Variants in DMGDH observed in about 807,000 individuals in gnomAD.
The protein encoded by DMGDH is dimethylglycine dehydrogenase.
DMGDH carries 76 observed loss-of-function variants against 95.2 expected under a neutral mutation model. The ratio of observed to expected loss-of-function variants is 0.80; its 90% CI spans 0.66 to 0.97. The LOEUF (loss-of-function observed/expected upper bound fraction) is 0.97, where lower values mean the gene tolerates loss of function less well. DMGDH is among the 50% of genes least tolerant of loss of function. The pLI is 0.00. For missense variants in DMGDH, 987 were observed against 1,055.0 expected (o/e 0.94, Z 0.89); for synonymous variants, 345 against 377.6 (o/e 0.91, Z 1.00).
chr5:79,034,267 C>T (rs1165589343), intron 7 of DMGDH, among the ~76,000 whole-genome samples: 1 of 152,104 alleles, frequency 6.6e-6, no homozygotes, highest in Non-Finnish European at 1.5e-5. Context: ...GCAAAGAGGC[C>T]CTCACCTGAG....
chr5:79,042,931 T>C (rs1231958160), intron 6 of DMGDH, among the ~76,000 whole-genome samples: 2 of 152,152 alleles, frequency 1.3e-5, no homozygotes. Flanking sequence ...TCTAAGATGA[T>C]GGATTTTAGA....
chr5:79,021,526 CT>C, intron 14 of DMGDH: 1 of 1,283,028 alleles, frequency 7.8e-7, no homozygotes, highest in South Asian at 1.2e-5. Context: ...CGCCGTCTCC[CT>C]TTGTGATGAA....
intron 15 of DMGDH, among the ~76,000 whole-genome samples, chr5:79,001,903 T>C (rs1007328100): frequency 6.6e-6 from 1 of 152,238 alleles, no homozygotes; most frequent in Admixed American, 6.5e-5. Flanking sequence ...TTCCCTTGCA[T>C]AAATTTTAAA....
chr5:79,048,548 A>G (rs1330291412), intron 5 of DMGDH, among the ~76,000 whole-genome samples: 6 of 152,158 alleles, frequency 3.9e-5, no homozygotes, highest in African/African-American at 7.2e-5. Context: ...TGTGGGAAAC[A>G]TTCCACCAGC....
At chr5:79,002,251 CCTT>C (rs1397774788) in intron 15 of DMGDH, among the ~76,000 whole-genome samples, 1 of 152,112 alleles carries the variant, frequency 6.6e-6, no homozygotes, top group Admixed American at 6.5e-5. Flanking sequence ...TTTTAAAAAA[CCTT>C]CTAAGCTCTC....
intron 7 of DMGDH, among the ~76,000 whole-genome samples, chr5:79,038,188 A>G (rs1453822853): frequency 1.3e-5 from 2 of 152,196 alleles, no homozygotes; most frequent in Non-Finnish European, 2.9e-5. Context: ...AGTAACAGTA[A>G]TTAAGAGAGT....
At chr5:79,023,351 G>C (rs1315205408) in intron 14 of DMGDH, among the ~76,000 whole-genome samples, 1 of 152,142 alleles carries the variant, frequency 6.6e-6, no homozygotes, top group African/African-American at 2.4e-5. Context: ...GCTCTATTAA[G>C]TTGTTTTATT....
chr5:79,040,886 T>A lies in DMGDH; in HGVS notation c.1193+1397A>T, dbSNP rs944274706. 1.8e-4 allele frequency among the ~76,000 whole-genome samples: 27 copies of A among 151,816 alleles called. 1 individual carries two copies. The highest frequency in any genetic ancestry group is 6.3e-4 in the African/African-American group (26 of 41,532). On this transcript the variant is annotated intron_variant, in intron 7 of 15. Transcript: ENST00000255189. ...CTTCCACATGCCTGCATATGGACTC[T>A]ATAGGTGACTATAAAACCCTCAATT...
At position 79,030,840 on chromosome 5, in the gene DMGDH, A is replaced by C. The variant is rs141558713; in HGVS notation, c.1676T>G (p.Ile559Ser). ...CCCTACAAGGCTATTTACCTTTGGA[A>C]TGACATTTGCAAAGAGATGGTCCAG... ...RLLDHLFANV[I>S]PKVGFTNISH... Residue 559 changes from isoleucine to serine, a missense_variant, in exon 10 of 16, where the codon ATT (isoleucine) becomes AGT (serine). Ile to Ser is a moderately radical substitution (Grantham distance 142, BLOSUM62 -2). Coordinates refer to ENST00000255189, the MANE Select transcript of DMGDH (RefSeq NM_013391.3). The C allele has an allele frequency of 3.2e-5, 52 of 1,613,936 alleles. No homozygotes were observed. The Admixed American group carries it at 5.3e-4, about 17-fold the overall frequency.
chr5:79,009,844 A>G (rs188323620), intron 14 of DMGDH, among the ~76,000 whole-genome samples: 12 of 152,336 alleles, frequency 7.9e-5, no homozygotes, highest in Admixed American at 7.8e-4. Flanking sequence ...ACTCTACTAT[A>G]TAATTATTAA....
At chr5:79,032,600 G>A in intron 9 of DMGDH, 87 bp downstream of exon 9, 13 of 1,551,872 alleles carry the variant, frequency 8.4e-6, no homozygotes, top group African/African-American at 1.4e-5. Context: ...GTGGAGCAAT[G>A]GAGTGTAAGG....
At chr5:79,012,707 T>C (rs951002259) in intron 14 of DMGDH, among the ~76,000 whole-genome samples, 3 of 152,228 alleles carry the variant, frequency 2.0e-5, no homozygotes, top group Admixed American at 6.5e-5. Flanking sequence ...CTTAATATCA[T>C]GTGGAAGCTG....
At chr5:79,049,753 T>C (rs1754781924) in intron 5 of DMGDH, among the ~76,000 whole-genome samples, 3 of 152,194 alleles carry the variant, frequency 2.0e-5, no homozygotes, top group Admixed American at 1.3e-4. Flanking sequence ...TTAAAAACAA[T>C]GCAACATTGT....
chr5:79,006,119 C>G (rs1275891248), intron 14 of DMGDH, among the ~76,000 whole-genome samples: 1 of 150,930 alleles, frequency 6.6e-6, no homozygotes, highest in Non-Finnish European at 1.5e-5. Context: ...AATACACTCC[C>G]ATGGGCACAC....
chr5:79,021,835 T>C (rs1339172584), intron 14 of DMGDH, among the ~76,000 whole-genome samples: 1 of 152,124 alleles, frequency 6.6e-6, no homozygotes, highest in Non-Finnish European at 1.5e-5. Flanking sequence ...AAGGACTTTG[T>C]GGGGGAAAGT....
chr5:79,037,355 C>T (rs1754373959), intron 7 of DMGDH, among the ~76,000 whole-genome samples: 1 of 152,178 alleles, frequency 6.6e-6, no homozygotes, highest in Admixed American at 6.5e-5. Context: ...GATTCTGCTC[C>T]TCACCCAGGT....
At chr5:79,060,540 C>T (rs1238903138) in intron 2 of DMGDH, among the ~76,000 whole-genome samples, 1 of 152,178 alleles carries the variant, frequency 6.6e-6, no homozygotes, top group African/African-American at 2.4e-5. Flanking sequence ...GGGAAACTGC[C>T]TTTATTTTTA....
At chr5:79,008,618 C>T (rs3864262) in intron 14 of DMGDH, among the ~76,000 whole-genome samples, 28,535 of 151,854 alleles carry the variant, frequency 0.19, 4,970 homozygotes, top group African/African-American at 0.45. Flanking sequence ...CAGAGCTAGG[C>T]GAGGGTTGAG....
At chr5:79,061,469 T>C (rs1338524639) in intron 2 of DMGDH, among the ~76,000 whole-genome samples, 1 of 152,226 alleles carries the variant, frequency 6.6e-6, no homozygotes, top group Admixed American at 6.5e-5. Flanking sequence ...ATACCTTGTA[T>C]GCAAAGCAGG....
Sources: gnomAD v4.1 joint callset for allele counts (sites outside exome capture counted in the v4.1 genomes callset) on GRCh38, gnomAD v4.1.1 for gene constraint, MANE v1.5 for transcripts, NCBI Gene and HGNC (gene_info 2026-07-23, HGNC 2026-07-21) for gene names.